Variants in PALM2AKAP2 observed in about 807,000 individuals in gnomAD.
The protein encoded by PALM2AKAP2 is PALM2 and AKAP2 fusion.
In PALM2AKAP2, 37 loss-of-function variants were observed where a neutral mutation model predicts 71.5. The ratio of observed to expected loss-of-function variants is 0.52; its 90% CI spans 0.40 to 0.68. The LOEUF (loss-of-function observed/expected upper bound fraction) is 0.68. Among genes scored for constraint, PALM2AKAP2 ranks in the 30% least tolerant of loss-of-function variants. The probability of loss-of-function intolerance (pLI) is 0.00; values close to 1 mark genes in which losing one functional copy is unlikely to be tolerated. For synonymous variants in PALM2AKAP2, 468 were observed against 478.8 expected (o/e 0.98, Z 0.29); for missense variants, 1,224 against 1,191.8 (o/e 1.03, Z -0.40).
intron 1 of PALM2AKAP2, among the ~76,000 whole-genome samples, chr9:109,686,751 T>C (rs1827810827): frequency 6.6e-6 from 1 of 152,160 alleles, no homozygotes; most frequent in Admixed American, 6.5e-5. Flanking sequence ...TATGTATACA[T>C]GTGCCATGTT....
At chr9:109,760,045 T>C (rs1829027315) in intron 1 of PALM2AKAP2, among the ~76,000 whole-genome samples, 2 of 152,164 alleles carry the variant, frequency 1.3e-5, no homozygotes, top group South Asian at 2.1e-4. Context: ...GGTACTTCTG[T>C]TGTCAAGCCA....
At chr9:110,055,165 T>C (rs1297459598) in intron 1 of PALM2AKAP2, among the ~76,000 whole-genome samples, 1 of 134,696 alleles carries the variant, frequency 7.4e-6, no homozygotes, top group Non-Finnish European at 1.7e-5. Flanking sequence ...AATCCTAGTT[T>C]TTTAGTTTTT....
intron 1 of PALM2AKAP2, among the ~76,000 whole-genome samples, chr9:109,727,763 T>C (rs935441432): frequency 6.6e-6 from 1 of 152,250 alleles, no homozygotes; most frequent in Middle Eastern, 3.2e-3. Context: ...CAGAAGAAAT[T>C]GCAAATACGT....
upstream of PALM2AKAP2, chr9:109,780,345 C>T (rs1380319226): frequency 1.3e-6 from 2 of 1,538,356 alleles, no homozygotes; most frequent in African/African-American, 1.4e-5. Flanking sequence ...CTCTGCCCGC[C>T]GCCCCTGGAG....
At chr9:110,026,260 G>A (rs1170416082) in intron 7 of PALM2AKAP2, among the ~76,000 whole-genome samples, 4 of 151,730 alleles carry the variant, frequency 2.6e-5, no homozygotes, top group Non-Finnish European at 5.9e-5. Flanking sequence ...TTTATTTTTT[G>A]TAGAGAAGGA....
At chr9:110,136,530 C>G (rs1370976379) in exon 2 of PALM2AKAP2, 1 of 1,613,516 alleles carries the variant, frequency 6.2e-7, no homozygotes, top group Non-Finnish European at 8.5e-7. Context: ...CACGAGGCGA[C>G]CCAGCCAGAA....
intron 1 of PALM2AKAP2, among the ~76,000 whole-genome samples, chr9:109,750,365 A>G (rs7848884): frequency 0.3 from 46,364 of 152,130 alleles, 7,227 homozygotes; most frequent in Middle Eastern, 0.4. Flanking sequence ...CCTTATTGAA[A>G]ACAGATAAAA....
chr9:109,974,218 T>A (rs1733976361), intron 6 of PALM2AKAP2, among the ~76,000 whole-genome samples: 1 of 152,234 alleles, frequency 6.6e-6, no homozygotes, highest in Non-Finnish European at 1.5e-5. Context: ...AGGCCCTGCC[T>A]GGCAGGGTGA....
At chr9:109,896,779 C>T (rs1204070157) in intron 3 of PALM2AKAP2, among the ~76,000 whole-genome samples, 1 of 151,984 alleles carries the variant, frequency 6.6e-6, no homozygotes, top group Non-Finnish European at 1.5e-5. Context: ...CCAGTGCACT[C>T]CAGCCTGGAC....
chr9:109,690,046 C>T (rs1026622358), intron 1 of PALM2AKAP2, among the ~76,000 whole-genome samples: 2 of 151,882 alleles, frequency 1.3e-5, no homozygotes, highest in Non-Finnish European at 2.9e-5. Flanking sequence ...AGGACTAACC[C>T]CTAAACCTGT....
rs1300396120 is a variant in PALM2AKAP2, at chr9:109,749,011, C to T, written c.6-31477C>T. ...TAAAGACCTTATCTCCAAATACAGT[C>T]ACATTCTGAGATACTGGGGATAAGG... On this transcript the variant is annotated intron_variant, in intron 1 of 6. Coordinates refer to the PALM2AKAP2 transcript ENST00000374531. Among the ~76,000 whole-genome samples, 4 of 152,286 alleles carry T rather than the reference C, an allele frequency of 2.6e-5. No individual in the cohort carries two copies. In the South Asian group the frequency reaches 8.3e-4, roughly 32 times the overall value.
intron 1 of PALM2AKAP2, among the ~76,000 whole-genome samples, chr9:109,677,843 G>A (rs10979996): frequency 0.11 from 17,321 of 152,164 alleles, 1,274 homozygotes; most frequent in Non-Finnish European, 0.16. Flanking sequence ...AAGACTTTGA[G>A]ATGATTAAAA....
At chr9:110,061,035 C>A (rs765307204) in intron 1 of PALM2AKAP2, among the ~76,000 whole-genome samples, 2 of 152,186 alleles carry the variant, frequency 1.3e-5, no homozygotes, top group Non-Finnish European at 2.9e-5. Flanking sequence ...GTTAAGGTAA[C>A]CTCCTCTCCC....
intron 7 of PALM2AKAP2, among the ~76,000 whole-genome samples, chr9:110,043,135 AT>A (rs1383886168): frequency 6.6e-6 from 1 of 151,920 alleles, no homozygotes; most frequent in African/African-American, 2.4e-5. Flanking sequence ...TGTTACATCC[AT>A]TTTGCCTCCT....
At chr9:109,706,406 C>T (rs565588768) in intron 1 of PALM2AKAP2, among the ~76,000 whole-genome samples, 2 of 152,050 alleles carry the variant, frequency 1.3e-5, no homozygotes, top group East Asian at 3.9e-4. Flanking sequence ...CAAATAATAA[C>T]AAGTATTGGT....
intron 1 of PALM2AKAP2, among the ~76,000 whole-genome samples, chr9:109,805,912 G>A (rs1223695458): frequency 6.6e-6 from 1 of 152,180 alleles, no homozygotes; most frequent in Non-Finnish European, 1.5e-5. Flanking sequence ...CTGAAATGTG[G>A]CTGTAGTAGA....
chr9:109,749,091 T>TC (rs575026161), intron 1 of PALM2AKAP2, among the ~76,000 whole-genome samples: 1 of 152,194 alleles, frequency 6.6e-6, no homozygotes, highest in South Asian at 2.1e-4. Flanking sequence ...AGATGTGCTC[T>TC]CCCTTAGGGG....
chr9:109,788,725 A>T (rs1008532870), intron 1 of PALM2AKAP2, among the ~76,000 whole-genome samples: 1 of 152,238 alleles, frequency 6.6e-6, no homozygotes, highest in Admixed American at 6.5e-5. Flanking sequence ...GTGAAATAGA[A>T]TAAAAGGCCA....
Position 109,688,588 on chromosome 9 carries a change from A to G in PALM2AKAP2, c.5+47722A>G, listed in dbSNP as rs548651892. 1.6e-4 allele frequency among the ~76,000 whole-genome samples: 24 copies of G among 152,376 alleles called. No homozygotes were observed. The South Asian group carries it at 5.0e-3, about 32-fold the overall frequency. The stretch of plus-strand genomic sequence containing the variant: ...GTTGGATGTCTGCTTGGCTGCAAAT[A>G]CAATCCAAGAACAGACATTTAAGCC... On this transcript the variant is annotated intron_variant, in intron 1 of 6. Transcript: ENST00000374531.
Sources: gnomAD v4.1 joint callset for allele counts (sites outside exome capture counted in the v4.1 genomes callset) on GRCh38, gnomAD v4.1.1 for gene constraint, MANE v1.5 for transcripts, NCBI Gene and HGNC (gene_info 2026-07-23, HGNC 2026-07-21) for gene names.